Variants in NRF1 observed in about 807,000 individuals in gnomAD.
NRF1 encodes nuclear respiratory factor 1, also known as alpha palindromic-binding protein.
In NRF1, 5 loss-of-function variants were observed where a neutral mutation model predicts 58.5. The ratio of observed to expected loss-of-function variants is 0.09; its 90% CI spans 0.04 to 0.18. NRF1 has a LOEUF of 0.18. Ranked by LOEUF, NRF1 falls within the 10% of genes least tolerant of loss-of-function variation. The pLI is 1.00. For missense variants in NRF1, 288 were observed against 657.7 expected, an observed-to-expected ratio of 0.44 and a Z score of 6.15; for synonymous variants, 224 against 246.7, an observed-to-expected ratio of 0.91 and a Z score of 0.86.
intron 9 of NRF1, among the ~76,000 whole-genome samples, chr7:129,720,289 C>G (rs1037146048): frequency 2.0e-5 from 3 of 152,088 alleles, no homozygotes; most frequent in African/African-American, 7.2e-5. Context: ...CTTTCTGAAC[C>G]CAACAGAGGT....
At chr7:129,641,156 A>C (rs1343157362) in intron 1 of NRF1, among the ~76,000 whole-genome samples, 1 of 152,090 alleles carries the variant, frequency 6.6e-6, no homozygotes, top group East Asian at 1.9e-4. Flanking sequence ...AGCCTTAATA[A>C]TGTGTTTAGA....
In NRF1 at chr7:129,741,307, C is replaced by T. The variant is rs1196137940; in HGVS notation, c.1349-13711C>T. Among the ~76,000 whole-genome samples, 1 of 152,184 alleles carries T rather than the reference C, an allele frequency of 6.6e-6. No individual in the cohort carries two copies. The highest frequency in any genetic ancestry group is 1.5e-5 in the Non-Finnish European group (1 of 68,032). Reference sequence around the variant, plus strand: ...CTGACTGTGGTCTCCTCTCCATCCACGGTGTCCTCAAGGCCAAGTTACATG... The same window carrying T: ...CTGACTGTGGTCTCCTCTCCATCCATGGTGTCCTCAAGGCCAAGTTACATG... On this transcript the variant is annotated intron_variant, in intron 10 of 10. Coordinates refer to ENST00000393232, the MANE Select transcript of NRF1 (RefSeq NM_005011.5). The surrounding 1 kb of genome is among the most constrained non-coding windows in gnomAD (Gnocchi z 4.0).
chr7:129,754,869 A>G, intron 10 of NRF1, 149 bp from the exon 11 acceptor site: 1 of 618,632 alleles, frequency 1.6e-6, no homozygotes, highest in Non-Finnish European at 2.6e-6. Context: ...GGTGGGAAAG[A>G]GATGTCTTTG....
chr7:129,621,412 A>T (rs1028981758), intron 1 of NRF1, among the ~76,000 whole-genome samples: 1 of 152,218 alleles, frequency 6.6e-6, no homozygotes, highest in African/African-American at 2.4e-5. Context: ...GTGTTTGTGG[A>T]TGATCTTTAC....
intron 1 of NRF1, among the ~76,000 whole-genome samples, chr7:129,644,021 C>T (rs928210748): frequency 2.0e-5 from 3 of 152,196 alleles, no homozygotes; most frequent in Non-Finnish European, 4.4e-5. Context: ...ATTCTGGAGC[C>T]TGACGAGCTT....
intron 6 of NRF1, among the ~76,000 whole-genome samples, chr7:129,709,729 C>CT (rs71527924): frequency 0.011 from 1,378 of 127,914 alleles, 10 homozygotes; most frequent in African/African-American, 0.023. Context: ...TCTTTTCTTT[C>CT]TTTTTTTTTT....
chr7:129,729,671 A>G (rs909997917), intron 10 of NRF1, among the ~76,000 whole-genome samples: 1 of 152,206 alleles, frequency 6.6e-6, no homozygotes, highest in African/African-American at 2.4e-5. Context: ...TAATCCTCTT[A>G]TCTTCTAACA....
At chr7:129,711,285 A>C (rs544922344) in intron 7 of NRF1, among the ~76,000 whole-genome samples, 190 bp from the exon 8 acceptor site, 2 of 152,332 alleles carry the variant, frequency 1.3e-5, no homozygotes, top group Admixed American at 1.3e-4. Context: ...ATTTGGTTGA[A>C]GTAAAATTCT....
chr7:129,665,407 C>T (rs1461198400), intron 2 of NRF1, among the ~76,000 whole-genome samples: 2 of 152,138 alleles, frequency 1.3e-5, no homozygotes, highest in Admixed American at 1.3e-4. Flanking sequence ...TGAAAGGTGA[C>T]CCAGAAAAGG....
intron 5 of NRF1, among the ~76,000 whole-genome samples, chr7:129,691,199 TC>T (rs1802558485): frequency 6.6e-6 from 1 of 151,090 alleles, no homozygotes; most frequent in Non-Finnish European, 1.5e-5. Flanking sequence ...GATTTCCTCT[TC>T]CTTTAAGAAG....
At chr7:129,703,131 G>C (rs796729967) in intron 5 of NRF1, among the ~76,000 whole-genome samples, 12 of 152,124 alleles carry the variant, frequency 7.9e-5, no homozygotes, top group African/African-American at 2.9e-4. Context: ...ACTGACACAG[G>C]CATGAATTTG....
chr7:129,721,735 C>A (rs1422571218), intron 9 of NRF1, among the ~76,000 whole-genome samples: 1 of 152,158 alleles, frequency 6.6e-6, no homozygotes, highest in Non-Finnish European at 1.5e-5. Flanking sequence ...CCCGCCTCAG[C>A]CTCCCAAAGT....
chr7:129,690,309 C>A, intron 4 of NRF1, 97 bp from the exon 5 acceptor site: 2 of 1,295,132 alleles, frequency 1.5e-6, no homozygotes. Context: ...TATGCAATGG[C>A]TCAGGAAGGC....
At chr7:129,658,704 C>G (rs1446858444) in intron 2 of NRF1, among the ~76,000 whole-genome samples, 1 of 152,056 alleles carries the variant, frequency 6.6e-6, no homozygotes, top group African/African-American at 2.4e-5. Context: ...TGCGCCCATC[C>G]TATATGCTAT....
chr7:129,699,837 A>T (rs546443316), intron 5 of NRF1, among the ~76,000 whole-genome samples: 2 of 152,024 alleles, frequency 1.3e-5, no homozygotes, highest in South Asian at 4.2e-4. Context: ...TTGAGATGAT[A>T]ATTTTAAAGT....
chr7:129,628,139 G>A (rs1426529887), intron 1 of NRF1, among the ~76,000 whole-genome samples: 3 of 143,788 alleles, frequency 2.1e-5, no homozygotes, highest in African/African-American at 5.1e-5. Context: ...TGCCTCCTGG[G>A]TTCACTCCAT....
chr7:129,685,920 T>C (rs934299507), intron 4 of NRF1, among the ~76,000 whole-genome samples: 2 of 150,804 alleles, frequency 1.3e-5, no homozygotes, highest in Non-Finnish European at 3.0e-5. Context: ...ACCAGCCTGG[T>C]TGAAACCCTG....
intron 9 of NRF1, among the ~76,000 whole-genome samples, chr7:129,726,030 C>G (rs904023969): frequency 2.0e-5 from 3 of 152,206 alleles, no homozygotes; most frequent in African/African-American, 7.2e-5. Flanking sequence ...CAATTAGTCC[C>G]TGTCCCCTTA....
intron 1 of NRF1, among the ~76,000 whole-genome samples, chr7:129,635,549 A>G (rs1801151433): frequency 6.6e-6 from 1 of 152,238 alleles, no homozygotes; most frequent in Non-Finnish European, 1.5e-5. Context: ...TCCCAGGAGA[A>G]GGGCAAGGAC....
Sources: gnomAD v4.1 joint callset for allele counts (sites outside exome capture counted in the v4.1 genomes callset) on GRCh38, gnomAD v4.1.1 for gene constraint, Gnocchi (gnomAD v3.1) non-coding constraint, MANE v1.5 for transcripts, NCBI Gene and HGNC (gene_info 2026-07-23, HGNC 2026-07-21) for gene names.